SOS2: variants seen among roughly 807,000 people sequenced by gnomAD.
SOS2 encodes the protein son of sevenless homolog 2.
SOS2 carries 65 observed loss-of-function variants against 148.2 expected under a neutral mutation model. The observed-to-expected ratio is 0.44, with a 90% CI of 0.36 to 0.54. The LOEUF (loss-of-function observed/expected upper bound fraction) is 0.54. Ranked by LOEUF, SOS2 falls within the 20% of genes least tolerant of loss-of-function variation. The pLI, the probability that SOS2 is intolerant of heterozygous loss-of-function variation, is 0.00. For missense variants in SOS2, 1,341 were observed against 1,590.2 expected (o/e 0.84, Z 2.67); for synonymous variants, 539 against 537.1 (o/e 1.00, Z -0.05).
intron 14 of SOS2, 140 bp downstream of exon 14, chr14:50,149,866 CTG>C (rs1435152193): frequency 1.6e-6 from 1 of 636,412 alleles, no homozygotes; most frequent in Non-Finnish European, 2.8e-6. Flanking sequence ...TAGTTAAAAA[CTG>C]TGCTATGACC....
chr14:50,128,630 C>T (rs1404529125), intron 21 of SOS2, among the ~76,000 whole-genome samples: 1 of 152,158 alleles, frequency 6.6e-6, no homozygotes, highest in Non-Finnish European at 1.5e-5. Flanking sequence ...AGAGAGACTA[C>T]AAAAACATCA....
intron 22 of SOS2, among the ~76,000 whole-genome samples, chr14:50,120,004 G>A (rs547972355): frequency 2.6e-5 from 4 of 151,896 alleles, no homozygotes; most frequent in African/African-American, 7.2e-5. Context: ...GTAGAGATGG[G>A]GTTTCATCAT....
intron 15 of SOS2, 40 bp downstream of exon 15, chr14:50,145,437 T>G: frequency 1.3e-6 from 2 of 1,579,260 alleles, no homozygotes; most frequent in Non-Finnish European, 1.7e-6. Flanking sequence ...GACTTAATAT[T>G]ATGGCTATTA....
chr14:50,123,028 T>C (rs1883570600), intron 21 of SOS2, among the ~76,000 whole-genome samples: 1 of 152,094 alleles, frequency 6.6e-6, no homozygotes, highest in African/African-American at 2.4e-5. Flanking sequence ...AGTAAAAGTA[T>C]GATGCCTATA....
intron 7 of SOS2, among the ~76,000 whole-genome samples, chr14:50,178,469 T>A (rs1352163976): frequency 6.6e-6 from 1 of 151,922 alleles, no homozygotes; most frequent in Non-Finnish European, 1.5e-5. Context: ...GTCTTCTTTT[T>A]CTTTTTTTTG....
Position 50,204,328 on chromosome 14 carries a change from T to C in SOS2, c.169A>G (p.Asn57Asp). The change falls in exon 2 of 23, where the codon AAT (asparagine) becomes GAT (aspartate). Residue 57 changes from asparagine to aspartate, a missense_variant. Asn to Asp is a conservative substitution (Grantham distance 23). This residue lies in a region of SOS2 where 574 missense variants were observed against 711.1 expected (regional missense o/e 0.81). Transcript: ENST00000216373. Reference protein sequence around the residue: ...YIEELIFQLLNKLCMAQPRTV... With the variant: ...YIEELIFQLLDKLCMAQPRTV... ...CTTGGCTGGGCCATGCATAATTTAT[T>C]AAGCAGCTGAAAAATCAGCTCTTCA... is the stretch of plus-strand genomic sequence containing the variant. The C allele has an allele frequency of 6.2e-7, 1 of 1,602,802 alleles. No homozygotes were observed. Among genetic ancestry groups the C allele is most frequent in the South Asian group, 1.1e-5 (1 of 90,000 alleles).
rs114517408 is a variant in SOS2 at position 50,225,816 on chromosome 14, G to A, written c.87+5381C>T. On this transcript the variant is annotated intron_variant, in intron 1 of 22. Transcript: ENST00000216373. ...AATCTAATTACTTTGCTATGTAAAT[G>A]AGAACCCAACAGGACTTCCTATTCT... is the stretch of plus-strand genomic sequence containing the variant. Among the ~76,000 whole-genome samples the A allele has an allele frequency of 6.3e-3, 953 of 152,280 alleles. 12 individuals carry two copies. The highest frequency in any genetic ancestry group is 0.022 in the African/African-American group (894 of 41,572).
intron 1 of SOS2, among the ~76,000 whole-genome samples, 176 bp from the exon 2 acceptor site, chr14:50,204,585 C>A (rs1886602410): frequency 6.6e-6 from 1 of 152,148 alleles, no homozygotes; most frequent in East Asian, 1.9e-4. Context: ...ACCCACAGAG[C>A]AGTGGTTCTT....
intron 6 of SOS2, among the ~76,000 whole-genome samples, chr14:50,180,987 AG>A (rs1352625416): frequency 6.6e-6 from 1 of 152,220 alleles, no homozygotes; most frequent in Non-Finnish European, 1.5e-5. Context: ...AAAAAGAAAA[AG>A]AATAAGGTAA....
chr14:50,204,132 G>T, intron 2 of SOS2, 152 bp downstream of exon 2: 1 of 462,798 alleles, frequency 2.2e-6, no homozygotes, highest in Non-Finnish European at 3.8e-6. Flanking sequence ...TCAATGAACT[G>T]CCTTGACATT....
rs1330287033 is a variant in SOS2, at chr14:50,177,244, C to T, written c.970-2692G>A. Among the ~76,000 whole-genome samples, 4 of 152,102 alleles carry T rather than the reference C, an allele frequency of 2.6e-5. No individual in the cohort carries two copies. In the East Asian group the frequency reaches 7.7e-4, roughly 29 times the overall value. ...CTAAGGCAGGAGAATCGCTTTAACC[C>T]GGGAGGCGGAGGTTGCAATGAACTG... On this transcript the variant is annotated intron_variant, in intron 7 of 22. Coordinates refer to ENST00000216373, the MANE Select transcript of SOS2 (RefSeq NM_006939.4).
intron 11 of SOS2, 138 bp downstream of exon 11, chr14:50,158,427 T>G (rs984350511): frequency 1.8e-6 from 1 of 565,764 alleles, no homozygotes; most frequent in Non-Finnish European, 3.2e-6. Flanking sequence ...TTGAAGAGAA[T>G]AGTAATACTG....
intron 17 of SOS2, 110 bp downstream of exon 17, chr14:50,139,832 T>C (rs1884211363): frequency 1.8e-6 from 1 of 551,604 alleles, no homozygotes; most frequent in African/African-American, 1.9e-5. Context: ...AGAGAGCTAA[T>C]AAAAGTAGAT....
chr14:50,162,399 T>A (rs1305719687), intron 8 of SOS2, among the ~76,000 whole-genome samples: 1 of 152,078 alleles, frequency 6.6e-6, no homozygotes, highest in African/African-American at 2.4e-5. Context: ...TCCCAAAGTG[T>A]TGAAATTACA....
intron 19 of SOS2, among the ~76,000 whole-genome samples, chr14:50,132,183 G>A (rs532769163): frequency 1.3e-5 from 2 of 152,114 alleles, no homozygotes; most frequent in Admixed American, 6.6e-5. Context: ...CTACCAAGAG[G>A]TGGAAGTGTG....
chr14:50,201,697 G>A (rs375074729), intron 2 of SOS2, among the ~76,000 whole-genome samples: 8 of 152,102 alleles, frequency 5.3e-5, no homozygotes, highest in Admixed American at 4.6e-4. Context: ...AGATTAAAGC[G>A]AACATGAAAT....
At position 50,171,682 on chromosome 14, in the gene SOS2, CAAAAAAAAAAAAA is replaced by C. The variant is rs57389741; in HGVS notation, c.1068+2759_1068+2771del. Among the ~76,000 whole-genome samples the C allele has an allele frequency of 7.8e-5, 8 of 103,132 alleles. No homozygotes were observed. The South Asian group carries it at 1.0e-3, about 13-fold the overall frequency. 67.7% of individuals were successfully genotyped at this position (103,132 alleles called of 152,430 possible). ...CAGGCGACAGAGCAAAATTCCATCT[CAAAAAAAAAAAAA>C]AAAAAAAAAAAAAATTCAACGGTCT... On this transcript the variant is annotated intron_variant, in intron 8 of 22. Coordinates refer to ENST00000216373, the MANE Select transcript of SOS2 (RefSeq NM_006939.4).
At chr14:50,162,687 C>T (rs1033203244) in intron 8 of SOS2, among the ~76,000 whole-genome samples, 2 of 152,072 alleles carry the variant, frequency 1.3e-5, no homozygotes, top group Non-Finnish European at 2.9e-5. Flanking sequence ...GATTCCACTG[C>T]TATTTTTTAC....
chr14:50,118,693 G>A lies in SOS2; in HGVS notation c.3650C>T (p.Pro1217Leu). 1 of 1,613,760 alleles carries A rather than the reference G, an allele frequency of 6.2e-7. No homozygotes were observed. ...TTCTGGAGGCCGAAGGGGAACTGGT[G>A]GAGGGGTATCAGGAAGAGGATCTCT... ...PPRDPLPDTP[P>L]PVPLRPPEHF... is the part of the protein sequence containing the mutation. The change falls in exon 23 of 23, where the codon CCA becomes CTA. Residue 1217 changes from proline to leucine, a missense_variant. Pro to Leu is a moderately conservative substitution (Grantham distance 98). Coordinates refer to ENST00000216373, the MANE Select transcript of SOS2 (RefSeq NM_006939.4).
Sources: gnomAD v4.1 joint callset for allele counts (sites outside exome capture counted in the v4.1 genomes callset) on GRCh38, gnomAD v4.1.1 for gene constraint, gnomAD v4.1.1 regional missense constraint, MANE v1.5 for transcripts, NCBI Gene and HGNC (gene_info 2026-07-23, HGNC 2026-07-21) for gene names.